WDPCP: variants seen among roughly 807,000 people sequenced by gnomAD.
WDPCP encodes the protein WD repeat containing planar cell polarity effector, also known as WD repeat-containing and planar cell polarity effector protein fritz homolog.
A neutral mutation model predicts 93.1 loss-of-function variants in WDPCP; 71 were observed. That is an observed-to-expected ratio of 0.76 (90% confidence interval 0.63 to 0.93). WDPCP has a LOEUF of 0.93. Ranked by LOEUF, WDPCP falls within the 40% of genes least tolerant of loss-of-function variation. The pLI is 0.00. For missense variants in WDPCP, 844 were observed against 887.4 expected (o/e 0.95, Z 0.62); for synonymous variants, 315 against 315.0 (o/e 1.00, Z 0.00).
intron 14 of WDPCP, among the ~76,000 whole-genome samples, chr2:63,210,683 G>A (rs536721981): frequency 6.6e-6 from 1 of 152,302 alleles, no homozygotes; most frequent in African/African-American, 2.4e-5. Flanking sequence ...AAGTGCAAGG[G>A]GTCAGGGAAT....
chr2:63,134,395 A>G (rs1382574593), intron 17 of WDPCP, among the ~76,000 whole-genome samples: 2 of 152,258 alleles, frequency 1.3e-5, no homozygotes, highest in East Asian at 3.8e-4. Flanking sequence ...ATGTAAATAA[A>G]GGAAATAAAA....
intron 6 of WDPCP, among the ~76,000 whole-genome samples, chr2:63,482,430 A>G (rs903965257): frequency 6.6e-6 from 1 of 151,988 alleles, no homozygotes; most frequent in African/African-American, 2.4e-5. Flanking sequence ...ATATGTGCAC[A>G]AAAGGAGGTC....
intron 12 of WDPCP, among the ~76,000 whole-genome samples, chr2:63,336,760 AC>A (rs1187913712): frequency 6.6e-6 from 1 of 151,630 alleles, no homozygotes; most frequent in Non-Finnish European, 1.5e-5. Flanking sequence ...TAAAGTTACC[AC>A]CTTTACTATT....
At chr2:63,563,717 A>T (rs1435203644) in intron 1 of WDPCP, among the ~76,000 whole-genome samples, 1 of 152,024 alleles carries the variant, frequency 6.6e-6, no homozygotes, top group Non-Finnish European at 1.5e-5. Context: ...CCCTAGTGCA[A>T]AAGGACTGTG....
intron 2 of WDPCP, among the ~76,000 whole-genome samples, chr2:63,735,630 A>C (rs1385168309): frequency 1.3e-5 from 2 of 152,330 alleles, no homozygotes; most frequent in East Asian, 3.9e-4. Flanking sequence ...GTATAAAATC[A>C]TGTAAAAAGG....
At chr2:63,499,214 G>A (rs72821635) in intron 1 of WDPCP, among the ~76,000 whole-genome samples, 2,400 of 152,232 alleles carry the variant, frequency 0.016, 27 homozygotes, top group South Asian at 0.031. Flanking sequence ...GGGCATTTGA[G>A]GATTGTCAGA....
chr2:63,619,888 G>T (rs112627949), intron 3 of WDPCP, among the ~76,000 whole-genome samples: 3,155 of 152,254 alleles, frequency 0.021, 43 homozygotes, highest in East Asian at 0.089. Context: ...AAAGCAGAGT[G>T]GGACATTGCC....
chr2:63,378,578 T>G, intron 11 of WDPCP, 69 bp from the exon 12 acceptor site: 2 of 1,605,894 alleles, frequency 1.2e-6, no homozygotes, highest in South Asian at 2.2e-5. Context: ...AATACTCATG[T>G]TTGCAGTCAG....
intron 14 of WDPCP, among the ~76,000 whole-genome samples, chr2:63,217,586 A>T (rs2104457702): frequency 6.6e-6 from 1 of 152,300 alleles, no homozygotes; most frequent in East Asian, 1.9e-4. Context: ...GAGACCAACA[A>T]ATAAAGTATT....
chr2:63,695,365 A>G (rs955088054), intron 2 of WDPCP, among the ~76,000 whole-genome samples: 5 of 152,196 alleles, frequency 3.3e-5, no homozygotes, highest in African/African-American at 9.6e-5. Context: ...AAGATTTAAG[A>G]TTAGAGTTGC....
intron 13 of WDPCP, among the ~76,000 whole-genome samples, chr2:63,311,927 T>C (rs1306746337): frequency 6.6e-6 from 1 of 151,884 alleles, no homozygotes; most frequent in Non-Finnish European, 1.5e-5. Context: ...ACATAAAAAA[T>C]AAAGAAATGT....
At chr2:63,739,350 C>A (rs1046140811) in intron 2 of WDPCP, among the ~76,000 whole-genome samples, 1 of 152,154 alleles carries the variant, frequency 6.6e-6, no homozygotes, top group Non-Finnish European at 1.5e-5. Context: ...CCACAAAACA[C>A]ATGATCTCAT....
chr2:63,646,829 G>C (rs970697701), intron 3 of WDPCP, among the ~76,000 whole-genome samples: 1 of 151,880 alleles, frequency 6.6e-6, no homozygotes, highest in Non-Finnish European at 1.5e-5. Context: ...CTGCTTTTAG[G>C]ATCCTTTCTT....
intron 1 of WDPCP, among the ~76,000 whole-genome samples, chr2:63,503,907 GAA>G (rs3051720): frequency 0.011 from 1,532 of 135,146 alleles, 27 homozygotes; most frequent in Admixed American, 0.042. Flanking sequence ...GAGCTCAAAT[GAA>G]AAAAAAAAAA....
intron 7 of WDPCP, among the ~76,000 whole-genome samples, chr2:63,438,469 G>C (rs1320030558): frequency 6.6e-6 from 1 of 152,034 alleles, no homozygotes; most frequent in Non-Finnish European, 1.5e-5. Flanking sequence ...GACACGAATT[G>C]TGCTGAAAGT....
chr2:63,589,018 T>C (rs11555101), upstream of WDPCP: 29 of 1,614,172 alleles, frequency 1.8e-5, no homozygotes, highest in African/African-American at 2.8e-4. Flanking sequence ...TTGCAGTTGT[T>C]GAAATTGTCC....
intron 12 of WDPCP, among the ~76,000 whole-genome samples, chr2:63,374,301 T>C (rs147628190): frequency 1.3e-5 from 2 of 152,294 alleles, no homozygotes; most frequent in East Asian, 3.9e-4. Context: ...GTTTGCTTAC[T>C]CTTGTGGAAT....
intron 15 of WDPCP, among the ~76,000 whole-genome samples, chr2:63,172,462 C>G (rs537499580): frequency 8.6e-5 from 13 of 152,044 alleles, no homozygotes; most frequent in African/African-American, 3.1e-4. Flanking sequence ...AAGCCATGAT[C>G]GCACCACTGC....
intron 1 of WDPCP, among the ~76,000 whole-genome samples, chr2:63,537,969 G>A (rs553886216): frequency 2.0e-4 from 30 of 152,194 alleles, no homozygotes; most frequent in African/African-American, 6.0e-4. Flanking sequence ...CATCTCTGCC[G>A]AACAAGAGCA....
Sources: allele counts gnomAD v4.1 joint callset (sites outside exome capture counted in the v4.1 genomes callset), GRCh38; gene constraint gnomAD v4.1.1; transcripts MANE v1.5; gene names NCBI Gene and HGNC (gene_info 2026-07-23, HGNC 2026-07-21).